CLASP1: variants seen among roughly 807,000 people sequenced by gnomAD.
CLASP1 encodes the protein CLIP-associating protein 1.
A neutral mutation model predicts 192.3 loss-of-function variants in CLASP1; 38 were observed. The ratio of observed to expected loss-of-function variants is 0.20; its 90% CI spans 0.15 to 0.26. The LOEUF (loss-of-function observed/expected upper bound fraction) is 0.26, where lower values mean the gene tolerates loss of function less well. CLASP1 is among the 10% of genes least tolerant of loss of function. The pLI, the probability that CLASP1 is intolerant of heterozygous loss-of-function variation, is 1.00. For missense variants in CLASP1, 1,433 were observed against 1,932.5 expected, an observed-to-expected ratio of 0.74 and a Z score of 4.85; for synonymous variants, 691 against 712.8, an observed-to-expected ratio of 0.97 and a Z score of 0.49.
chr2:121,425,241 A>C (rs1478732762), exon 22 of CLASP1: 1 of 1,613,494 alleles, frequency 6.2e-7, no homozygotes, highest in Non-Finnish European at 8.5e-7. Context: ...CCTCGTGAGG[A>C]GCCCCCAGTA....
At chr2:121,559,543 C>T (rs1447118774) in intron 2 of CLASP1, among the ~76,000 whole-genome samples, 2 of 151,940 alleles carry the variant, frequency 1.3e-5, no homozygotes, top group African/African-American at 4.8e-5. Flanking sequence ...GTGGGTAAAC[C>T]TTGAAAACAT....
intron 37 of CLASP1, among the ~76,000 whole-genome samples, chr2:121,362,743 GA>G (rs2066660322): frequency 6.6e-6 from 1 of 152,218 alleles, no homozygotes; most frequent in African/African-American, 2.4e-5. Context: ...CTCAGAAGGT[GA>G]AATGACTGGT....
At chr2:121,516,715 C>T (rs2094306740) in intron 6 of CLASP1, among the ~76,000 whole-genome samples, 1 of 152,200 alleles carries the variant, frequency 6.6e-6, no homozygotes, top group Admixed American at 6.5e-5. Context: ...TACATACACA[C>T]TGATATGTCT....
chr2:121,443,480 A>T (rs2149745660), intron 19 of CLASP1, among the ~76,000 whole-genome samples: 1 of 152,290 alleles, frequency 6.6e-6, no homozygotes, highest in African/African-American at 2.4e-5. Context: ...AACACTCGGG[A>T]TTGTTTCTTT....
rs115174821 is a variant in CLASP1 at position 121,396,141 on chromosome 2, A to T, written c.3123+999T>A. On this transcript the variant is annotated intron_variant, in intron 30 of 39. Transcript: ENST00000263710. ...ATTTTAATTGCAGCCAGGACTGTGA[A>T]CTATTAATCTAAATCTTCTGAAATT... Among the ~76,000 whole-genome samples, 637 of 152,320 alleles carry T rather than the reference A, an allele frequency of 4.2e-3. 3 individuals carry two copies. The highest frequency in any genetic ancestry group is 0.015 in the African/African-American group (618 of 41,576).
intron 2 of CLASP1, among the ~76,000 whole-genome samples, chr2:121,587,374 G>A (rs981744113): frequency 1.3e-5 from 2 of 152,088 alleles, no homozygotes; most frequent in African/African-American, 4.8e-5. Flanking sequence ...CTGGAAATTG[G>A]GCCTGGAGCT....
At chr2:121,452,037 T>C in intron 14 of CLASP1, among the ~76,000 whole-genome samples, 188 bp from the exon 15 acceptor site, 1 of 152,154 alleles carries the variant, frequency 6.6e-6, no homozygotes, top group African/African-American at 2.4e-5. Flanking sequence ...TGAAAGTAAT[T>C]AAGCACCTAT....
intron 8 of CLASP1, among the ~76,000 whole-genome samples, chr2:121,486,719 TTAAAG>T (rs1168188270): frequency 6.6e-6 from 1 of 152,190 alleles, no homozygotes; most frequent in African/African-American, 2.4e-5. Context: ...CTCTCATACT[TTAAAG>T]TAATTACACT....
exon 5 of CLASP1, chr2:121,527,889 T>C: frequency 6.2e-7 from 1 of 1,612,440 alleles, no homozygotes; most frequent in South Asian, 1.1e-5. Flanking sequence ...GTCCCATACG[T>C]ACTGCAGATG....
chr2:121,478,252 T>C (rs1398566557), intron 8 of CLASP1, among the ~76,000 whole-genome samples: 1 of 152,090 alleles, frequency 6.6e-6, no homozygotes, highest in African/African-American at 2.4e-5. Context: ...TAAAACGCTT[T>C]CATGCTAAAA....
chr2:121,411,001 A>G, intron 23 of CLASP1, 32 bp from the exon 25 acceptor site: 4 of 1,358,102 alleles, frequency 2.9e-6, no homozygotes, highest in Non-Finnish European at 4.1e-6. Flanking sequence ...AAGATGTGTC[A>G]CTTTAATTCA....
rs186716045 is a variant in CLASP1 at position 121,633,445 on chromosome 2, G to A, written c.-286+15927C>T. ...AAAGAACAATGTCTAACCCCTCCCC[G>A]CAAATTCCAAAATTGAATCACTGAC... On this transcript the variant is annotated intron_variant, in intron 1 of 39. Coordinates refer to ENST00000263710, the Ensembl canonical transcript of CLASP1. 2.7e-3 allele frequency among the ~76,000 whole-genome samples: 414 copies of A among 151,908 alleles called. 10 individuals are homozygous for A. The East Asian group carries it at 0.072, about 26-fold the overall frequency.
At chr2:121,532,229 T>C (rs1029174887) in intron 2 of CLASP1, 1 of 152,210 alleles carries the variant, frequency 6.6e-6, no homozygotes, top group Non-Finnish European at 1.5e-5. Context: ...CTTGACAATA[T>C]TGAAGAAAAT....
chr2:121,383,865 T>C (rs2072389375), intron 32 of CLASP1, among the ~76,000 whole-genome samples: 1 of 151,586 alleles, frequency 6.6e-6, no homozygotes, highest in Admixed American at 6.6e-5. Flanking sequence ...TAGCTGGTAA[T>C]AGGAAGTTTA....
chr2:121,550,043 AAC>A (rs2057891844), intron 2 of CLASP1, among the ~76,000 whole-genome samples: 1 of 151,658 alleles, frequency 6.6e-6, no homozygotes, highest in East Asian at 1.9e-4. Context: ...AATCACACCA[AAC>A]ACACTCTTGG....
chr2:121,398,151 C>T (rs1162384348), intron 29 of CLASP1, among the ~76,000 whole-genome samples, 171 bp downstream of exon 30: 2 of 152,160 alleles, frequency 1.3e-5, no homozygotes, highest in Non-Finnish European at 2.9e-5. Flanking sequence ...CCAGCAAATA[C>T]ACTACTAGGT....
chr2:121,472,461 A>G (rs948984805), intron 8 of CLASP1, among the ~76,000 whole-genome samples: 1 of 152,214 alleles, frequency 6.6e-6, no homozygotes, highest in Non-Finnish European at 1.5e-5. Context: ...CAAGAAAAGA[A>G]ACAAACAAGG....
chr2:121,645,783 G>A (rs1353028167), intron 1 of CLASP1, among the ~76,000 whole-genome samples: 1 of 152,208 alleles, frequency 6.6e-6, no homozygotes, highest in Admixed American at 6.5e-5. Context: ...ACCTGAGCTA[G>A]ATCTTTAGGA....
At chr2:121,493,016 T>C (rs2093386094) in intron 8 of CLASP1, among the ~76,000 whole-genome samples, 1 of 152,222 alleles carries the variant, frequency 6.6e-6, no homozygotes, top group South Asian at 2.1e-4. Context: ...TGTCATGGTA[T>C]GTAAATTATA....
Sources: gnomAD v4.1 joint callset for allele counts (sites outside exome capture counted in the v4.1 genomes callset) on GRCh38, gnomAD v4.1.1 for gene constraint, MANE v1.5 for transcripts, NCBI Gene and HGNC (gene_info 2026-07-23, HGNC 2026-07-21) for gene names.